Variants in TMPO observed in about 807,000 individuals in gnomAD.
TMPO encodes LEM domain containing 4.
A neutral mutation model predicts 45.4 loss-of-function variants in TMPO; 22 were observed. The observed-to-expected ratio is 0.48, with a 90% confidence interval of 0.35 to 0.69. The LOEUF (loss-of-function observed/expected upper bound fraction) is 0.69, where lower values mean the gene tolerates loss of function less well. Ranked by LOEUF, TMPO falls within the 30% of genes least tolerant of loss-of-function variation. The pLI is 0.01. For missense variants in TMPO, 512 were observed against 548.8 expected (o/e 0.93, Z 0.67); for synonymous variants, 241 against 204.1 (o/e 1.18, Z -1.54).
intron 2 of TMPO, among the ~76,000 whole-genome samples, chr12:98,530,018 A>G (rs1877073798): frequency 6.6e-6 from 1 of 152,232 alleles, no homozygotes; most frequent in Non-Finnish European, 1.5e-5. Context: ...CAGATATATA[A>G]CACTTTTAAA....
At chr12:98,534,179 A>G (rs1354717792) in intron 3 of TMPO, 4 of 1,613,954 alleles carry the variant, frequency 2.5e-6, no homozygotes, top group Non-Finnish European at 3.4e-6. Context: ...ATGGCTGCCC[A>G]TACCATGGGA....
At position 98,534,048 on chromosome 12, in the gene TMPO, T is replaced by A. The variant is rs752783130; in HGVS notation, c.565+2210T>A. The A allele has an allele frequency of 7.5e-6, 12 of 1,608,550 alleles. No homozygotes were observed. In the East Asian group the frequency reaches 2.7e-4, roughly 36 times the overall value. On this transcript the variant is annotated intron_variant, in intron 3 of 8. Coordinates refer to ENST00000556029, the MANE Select transcript of TMPO (RefSeq NM_001032283.3). ...TAGCTAAGGCTATGCAGGCAGACAT[T>A]AGTCAAGCTGCACAGATTCTTAGCT...
At chr12:98,546,295 T>C in intron 7 of TMPO, 64 bp from the exon 8 acceptor site, 1 of 1,077,468 alleles carries the variant, frequency 9.3e-7, no homozygotes. Flanking sequence ...TATTTATGTT[T>C]TAATTATTGC....
At chr12:98,525,110 C>G (rs371401813) in intron 1 of TMPO, among the ~76,000 whole-genome samples, 114 of 152,214 alleles carry the variant, frequency 7.5e-4, no homozygotes, top group African/African-American at 2.5e-3. Flanking sequence ...TTGAGTAAGT[C>G]AGTAACATAG....
At chr12:98,535,721 T>C (rs559908904) in intron 3 of TMPO, 3 of 912,124 alleles carry the variant, frequency 3.3e-6, no homozygotes, top group East Asian at 2.4e-4. Flanking sequence ...ACACCCCTTT[T>C]CCATTTCATC....
chr12:98,547,947 A>G lies in TMPO; in HGVS notation c.*89A>G. On this transcript the variant is annotated 3_prime_UTR_variant, in exon 9 of 9. Coordinates refer to ENST00000556029, the MANE Select transcript of TMPO (RefSeq NM_001032283.3). ...TGTACACTTGTTGACTCCAAGAACT[A>G]AAAATAATGTGATTTCGCCTCAATA... is the stretch of plus-strand genomic sequence containing the variant. The G allele has an allele frequency of 7.0e-7, 1 of 1,421,272 alleles. No homozygotes were observed. Among genetic ancestry groups the G allele is most frequent in the East Asian group, 2.3e-5 (1 of 43,848 alleles). 88.0% of individuals were successfully genotyped at this position (1,421,272 alleles called of 1,614,324 possible). A position where few individuals can be genotyped will look rare whatever the true frequency, so the allele number is the denominator to read the frequency against.
At chr12:98,532,753 A>T (rs1049479249) in intron 3 of TMPO, 1 of 1,611,300 alleles carries the variant, frequency 6.2e-7, no homozygotes, top group African/African-American at 1.3e-5. Flanking sequence ...ATTTTTAGCA[A>T]AGAGGCAAAG....
intron 6 of TMPO, 40 bp from the exon 7 acceptor site, chr12:98,544,911 T>C (rs911529432): frequency 2.2e-6 from 3 of 1,390,108 alleles, no homozygotes; most frequent in Admixed American, 3.3e-5. Flanking sequence ...CTGTGTTATG[T>C]TTGGATAATT....
intron 3 of TMPO, chr12:98,534,617 T>C: frequency 8.2e-7 from 1 of 1,215,228 alleles, no homozygotes; most frequent in Middle Eastern, 3.5e-4. Flanking sequence ...TTTACTTATG[T>C]TTTTACAATT....
chr12:98,537,649 A>G (rs1260636434), intron 4 of TMPO, 77 bp downstream of exon 4: 4 of 1,081,872 alleles, frequency 3.7e-6, no homozygotes, highest in African/African-American at 3.1e-5. Context: ...TTAGCCTTTA[A>G]TGGTTGACAC....
Position 98,532,094 on chromosome 12 carries a change from C to T in TMPO, c.565+256C>T, listed in dbSNP as rs1485837304. On this transcript the variant is annotated intron_variant, in intron 3 of 8. Transcript: ENST00000556029. ...CTTTTTTGCTACAAATCTCATTTTT[C>T]TGAGAGAATAAAGTATTACAAGTAA... 24 of 417,394 alleles carry T rather than the reference C, an allele frequency of 5.7e-5. No individual in the cohort carries two copies. In the East Asian group the frequency reaches 1.2e-3, roughly 20 times the overall value. The allele number at this position is 417,394 out of a possible 1,614,324, so 25.9% of individuals were successfully genotyped here. A position where few individuals can be genotyped will look rare whatever the true frequency, so the allele number is the denominator to read the frequency against.
At chr12:98,528,315 C>T (rs1055868441) in intron 2 of TMPO, among the ~76,000 whole-genome samples, 10 of 144,792 alleles carry the variant, frequency 6.9e-5, no homozygotes, top group Admixed American at 4.3e-4. Flanking sequence ...CTTGCTCTGT[C>T]GCCCAGGCTG....
In TMPO at chr12:98,516,425, T is replaced by G. The variant is rs1875828581; in HGVS notation, c.279+279T>G. ...TGTTTTGCACGCAGTCGACGCCGCTTCCCTGGACCACCAGCCGCCTGCAGC... is the reference window on the plus strand; with the variant it reads ...TGTTTTGCACGCAGTCGACGCCGCTGCCCTGGACCACCAGCCGCCTGCAGC... On this transcript the variant is annotated intron_variant, in intron 1 of 8. Coordinates refer to ENST00000556029, the MANE Select transcript of TMPO (RefSeq NM_001032283.3). The G allele has an allele frequency of 3.4e-6, 4 of 1,169,416 alleles. No individual in the cohort carries two copies. The African/African-American group carries it at 4.8e-5, about 14-fold the overall frequency. The allele number at this position is 1,169,416 out of a possible 1,614,324, so 72.4% of individuals were successfully genotyped here.
Position 98,515,764 on chromosome 12 carries a change from C to T in TMPO, c.-104C>T. The T allele has an allele frequency of 2.6e-6, 4 of 1,545,496 alleles. No homozygotes were observed. Among genetic ancestry groups the T allele is most frequent in the South Asian group, 1.2e-5 (1 of 83,506 alleles). On this transcript the variant is annotated 5_prime_UTR_variant, in exon 1 of 9. Coordinates refer to ENST00000556029, the MANE Select transcript of TMPO (RefSeq NM_001032283.3). ...CGCAGCGCTCTTCCCGGGCAGGAGCCGTGAGGCTCGGAGGCGGCAGCGCGG... is the reference window on the plus strand; with the variant it reads ...CGCAGCGCTCTTCCCGGGCAGGAGCTGTGAGGCTCGGAGGCGGCAGCGCGG...
chr12:98,544,266 AC>A lies in TMPO; in HGVS notation c.701del (p.Thr234LysfsTer13), dbSNP rs773529532. ...SQAGITETEW[T>X]SGSSKGGPLQ... The stretch of plus-strand genomic sequence containing the variant: ...AGCTGGAATAACTGAGACTGAATGG[AC>A]AAGTGGATCTTCAAAAGGCGGACCT... On this transcript the variant is annotated frameshift_variant, in exon 5 of 9. Coordinates refer to ENST00000556029, the MANE Select transcript of TMPO (RefSeq NM_001032283.3). LOFTEE classifies it high-confidence loss of function. 3 of 1,614,006 alleles carry A rather than the reference AC, an allele frequency of 1.9e-6. No individual in the cohort carries two copies. Among genetic ancestry groups the A allele is most frequent in the Non-Finnish European group, 2.5e-6 (3 of 1,179,906 alleles).
chr12:98,519,484 C>G (rs976134581), intron 1 of TMPO, among the ~76,000 whole-genome samples: 1 of 152,156 alleles, frequency 6.6e-6, no homozygotes, highest in Non-Finnish European at 1.5e-5. Context: ...CAAGGATGAG[C>G]GACGGCACCC....
At chr12:98,533,316 C>T (rs1268644086) in intron 3 of TMPO, 1 of 1,614,032 alleles carries the variant, frequency 6.2e-7, no homozygotes, top group Non-Finnish European at 8.5e-7. Context: ...AATCGCCTCT[C>T]TCCAGTAAAA....
chr12:98,526,950 C>G (rs1187820322), intron 1 of TMPO, among the ~76,000 whole-genome samples: 1 of 147,590 alleles, frequency 6.8e-6, no homozygotes, highest in Non-Finnish European at 1.5e-5. Context: ...GAGCGAGACT[C>G]CACCTCCAAA....
At chr12:98,535,679 G>C in intron 3 of TMPO, 1 of 985,186 alleles carries the variant, frequency 1.0e-6, no homozygotes, top group Non-Finnish European at 1.2e-6. Context: ...CTTTATTCTT[G>C]GAGTTGCAAC....
Sources: gnomAD v4.1 joint callset for allele counts (sites outside exome capture counted in the v4.1 genomes callset) on GRCh38, gnomAD v4.1.1 for gene constraint, MANE v1.5 for transcripts, NCBI Gene and HGNC (gene_info 2026-07-23, HGNC 2026-07-21) for gene names.